The following TLN2 variants were observed in gnomAD, a reference collection of about 807,000 sequenced individuals.
TLN2 encodes talin 2.
A neutral mutation model predicts 294.7 loss-of-function variants in TLN2; 118 were observed. The observed-to-expected ratio is 0.40, with a 90% CI of 0.34 to 0.47. TLN2 has a LOEUF of 0.47. TLN2 is among the 20% of genes least tolerant of loss of function. The pLI is 0.84. For synonymous variants in TLN2, 1,431 were observed against 1,304.5 expected (o/e 1.10, Z -2.09); for missense variants, 3,083 against 3,282.2 (o/e 0.94, Z 1.48).
intron 1 of TLN2, among the ~76,000 whole-genome samples, chr15:62,466,789 G>A (rs1229725856): frequency 6.6e-6 from 1 of 152,212 alleles, no homozygotes; most frequent in African/African-American, 2.4e-5. Context: ...TTTCCCCTAA[G>A]GAGATTTGAT....
chr15:62,418,841 C>A (rs2034227801), intron 1 of TLN2, among the ~76,000 whole-genome samples: 1 of 152,174 alleles, frequency 6.6e-6, no homozygotes, highest in African/African-American at 2.4e-5. Flanking sequence ...GGGGCAGAAG[C>A]AAATCACAAT....
chr15:62,399,176 A>G (rs563909637), intron 1 of TLN2, among the ~76,000 whole-genome samples: 1 of 134,966 alleles, frequency 7.4e-6, no homozygotes, highest in East Asian at 2.5e-4. Context: ...ACCTCTGCCT[A>G]GATTTCGGAG....
rs77480128 is a variant in TLN2 at position 62,770,238 on chromosome 15, A to C, written c.5197-726A>C. Reference sequence around the variant, plus strand: ...GAGGCTCAGTGAGGAAATGGAAGTTAAACTTTCAGCAGAGAGCCTGGCATA... The same window carrying C: ...GAGGCTCAGTGAGGAAATGGAAGTTCAACTTTCAGCAGAGAGCCTGGCATA... On this transcript the variant is annotated intron_variant, in intron 41 of 58. Coordinates refer to ENST00000636159, the MANE Select transcript of TLN2 (RefSeq NM_015059.3). 1.5e-4 allele frequency among the ~76,000 whole-genome samples: 23 copies of C among 152,338 alleles called. No individual in the cohort carries two copies. In the East Asian group the frequency reaches 4.4e-3, roughly 29 times the overall value.
intron 50 of TLN2, 127 bp downstream of exon 50, chr15:62,800,896 C>G (rs1596044247): frequency 2.8e-6 from 2 of 708,016 alleles, no homozygotes; most frequent in East Asian, 5.4e-5. Context: ...GCCCCTTCAC[C>G]TGCCTGCTGG....
intron 45 of TLN2, among the ~76,000 whole-genome samples, chr15:62,787,440 C>T (rs1441350508): frequency 1.3e-5 from 2 of 152,258 alleles, no homozygotes; most frequent in East Asian, 3.9e-4. Flanking sequence ...TTTAACTTCC[C>T]CCAAGGCACA....
In TLN2 at chr15:62,535,211, C is replaced by T. The variant is rs748220709; in HGVS notation, c.-237-54476C>T. 1.1e-4 allele frequency among the ~76,000 whole-genome samples: 17 copies of T among 152,290 alleles called. No homozygotes were observed. The South Asian group carries it at 2.5e-3, about 22-fold the overall frequency. ...TCCTACTGTTCTACAGGAAATTAGA[C>T]GTGGCTGCCCATGGGAGTCATCTGG... On this transcript the variant is annotated intron_variant, in intron 1 of 58. Coordinates refer to ENST00000636159, the MANE Select transcript of TLN2 (RefSeq NM_015059.3).
intron 1 of TLN2, among the ~76,000 whole-genome samples, chr15:62,576,510 G>C (rs559124967): frequency 2.6e-5 from 4 of 151,992 alleles, no homozygotes; most frequent in Admixed American, 2.6e-4. Flanking sequence ...TCATCCAAGG[G>C]GCAGGGAGGG....
intron 2 of TLN2, among the ~76,000 whole-genome samples, chr15:62,612,817 T>C (rs2048019438): frequency 2.0e-5 from 3 of 152,250 alleles, no homozygotes; most frequent in Admixed American, 6.5e-5. Context: ...CGTAGAAATG[T>C]ATGAAATGAA....
chr15:62,690,178 T>C (rs866005664), intron 12 of TLN2: 8 of 142,148 alleles, frequency 5.6e-5, no homozygotes, highest in South Asian at 2.5e-4. Flanking sequence ...CCGGACGGGG[T>C]GGCTGCCAGG....
At chr15:62,732,017 G>C (rs2060756657) in intron 28 of TLN2, among the ~76,000 whole-genome samples, 1 of 152,178 alleles carries the variant, frequency 6.6e-6, no homozygotes, top group African/African-American at 2.4e-5. Flanking sequence ...ATCCCAATGG[G>C]AAGGTAGGGG....
intron 19 of TLN2, among the ~76,000 whole-genome samples, chr15:62,705,429 T>G (rs947239044): frequency 6.7e-6 from 1 of 149,942 alleles, no homozygotes; most frequent in East Asian, 1.9e-4. Flanking sequence ...ATAGTGGTCT[T>G]GTTGAAAATT....
chr15:62,565,298 A>G (rs1308354340), intron 1 of TLN2, among the ~76,000 whole-genome samples: 3 of 152,238 alleles, frequency 2.0e-5, no homozygotes, highest in Non-Finnish European at 4.4e-5. Context: ...AATGAAAGTC[A>G]TCTAACTTAG....
At chr15:62,628,406 G>A (rs1030822870) in intron 3 of TLN2, among the ~76,000 whole-genome samples, 1 of 152,232 alleles carries the variant, frequency 6.6e-6, no homozygotes, top group African/African-American at 2.4e-5. Context: ...AGGAGCAAAA[G>A]TGTAATAATA....
rs767196795 is a variant in TLN2, at chr15:62,835,763, AG to A, written c.7156del (p.Asp2386ThrfsTer9). 2 of 1,614,194 alleles carry A rather than the reference AG, an allele frequency of 1.2e-6. No individual in the cohort carries two copies. Among genetic ancestry groups the A allele is most frequent in the Non-Finnish European group, 1.7e-6 (2 of 1,180,030 alleles). ...TGGGCTCCATCCCTGCCAATGCTGC[AG>A]ACGACGGACAGTGGTCACAGGGGCT... ...KVGSIPANAADDGQWSQGLIS... is the reference protein window; with the variant it reads ...KVGSIPANAAXDGQWSQGLIS... On this transcript the variant is annotated frameshift_variant, in exon 56 of 59. Coordinates refer to ENST00000636159, the MANE Select transcript of TLN2 (RefSeq NM_015059.3). LOFTEE classifies it high-confidence loss of function.
At chr15:62,606,401 T>A (rs925018183) in intron 2 of TLN2, among the ~76,000 whole-genome samples, 4 of 151,844 alleles carry the variant, frequency 2.6e-5, no homozygotes, top group Admixed American at 6.6e-5. Context: ...CCAAAAGATA[T>A]TTTTTTTAGG....
chr15:62,806,162 C>T (rs899938914), intron 51 of TLN2, among the ~76,000 whole-genome samples: 17 of 152,002 alleles, frequency 1.1e-4, no homozygotes. Context: ...TGCTGCACTC[C>T]AGCCTAGGTG....
At chr15:62,498,679 A>G (rs1229634115) in intron 1 of TLN2, among the ~76,000 whole-genome samples, 3 of 152,056 alleles carry the variant, frequency 2.0e-5, no homozygotes, top group Non-Finnish European at 2.9e-5. Context: ...CCACGTATCT[A>G]CTGACCCCCA....
At chr15:62,526,659 A>G (rs1292428621) in intron 1 of TLN2, among the ~76,000 whole-genome samples, 3 of 152,242 alleles carry the variant, frequency 2.0e-5, no homozygotes, top group East Asian at 1.9e-4. Context: ...TTCAAACAGA[A>G]GCAAACATTT....
intron 37 of TLN2, among the ~76,000 whole-genome samples, chr15:62,757,274 A>G (rs142488542): frequency 1.2e-4 from 19 of 152,274 alleles, no homozygotes; most frequent in African/African-American, 4.3e-4. Context: ...CCTCTTTGGG[A>G]TGGAGAGACG....
Sources: gnomAD v4.1 joint callset for allele counts (sites outside exome capture counted in the v4.1 genomes callset) on GRCh38, gnomAD v4.1.1 for gene constraint, MANE v1.5 for transcripts, NCBI Gene and HGNC (gene_info 2026-07-23, HGNC 2026-07-21) for gene names.